PTPRG: variants seen among roughly 807,000 people sequenced by gnomAD.
PTPRG encodes the protein receptor-type tyrosine-protein phosphatase gamma.
In PTPRG, 102 loss-of-function variants were observed where a neutral mutation model predicts 165.3. The ratio of observed to expected loss-of-function variants is 0.62; its 90% CI spans 0.53 to 0.73. PTPRG has a LOEUF of 0.73. Ranked by LOEUF, PTPRG falls within the 30% of genes least tolerant of loss-of-function variation. PTPRG has a pLI of 0.00. For synonymous variants in PTPRG, 675 were observed against 669.5 expected, an observed-to-expected ratio of 1.01 and a Z score of -0.13; for missense variants, 1,866 against 1,861.4, an observed-to-expected ratio of 1.00 and a Z score of -0.05.
At chr3:62,227,264 T>A (rs1006248213) in intron 13 of PTPRG, among the ~76,000 whole-genome samples, 4 of 152,156 alleles carry the variant, frequency 2.6e-5, no homozygotes, top group African/African-American at 7.2e-5. Context: ...GGCCGACACT[T>A]CCAGGTCTAC....
At chr3:62,181,115 G>A (rs912116683) in intron 8 of PTPRG, among the ~76,000 whole-genome samples, 1 of 152,200 alleles carries the variant, frequency 6.6e-6, no homozygotes, top group African/African-American at 2.4e-5. Context: ...TAGAAGAAAA[G>A]TCCGCAGGTA....
intron 1 of PTPRG, among the ~76,000 whole-genome samples, chr3:61,661,074 T>A (rs73110539): frequency 0.41 from 61,780 of 150,930 alleles, 12,979 homozygotes; most frequent in Non-Finnish European, 0.47. Context: ...AATTAAAAAT[T>A]TTTTTTTTTT....
At chr3:62,175,578 A>G (rs1217071428) in intron 8 of PTPRG, among the ~76,000 whole-genome samples, 1 of 152,230 alleles carries the variant, frequency 6.6e-6, no homozygotes, top group East Asian at 1.9e-4. Flanking sequence ...CTTTTCATTC[A>G]TTAAATATTT....
In PTPRG at chr3:61,609,962, A is replaced by G. The variant is rs1002285859; in HGVS notation, c.85+47590A>G. ...AATTAAAGACAGCCCTTCTATTAAT[A>G]ATGCAGATAACTTTTGATTATATAC... On this transcript the variant is annotated intron_variant, in intron 1 of 29. Transcript: ENST00000474889. Among the ~76,000 whole-genome samples, 3 of 151,426 alleles carry G rather than the reference A, an allele frequency of 2.0e-5. 1 individual carries two copies. Among genetic ancestry groups the G allele is most frequent in the South Asian group, 4.2e-4 (2 of 4,750 alleles).
intron 2 of PTPRG, among the ~76,000 whole-genome samples, chr3:61,806,265 T>A (rs1194693287): frequency 1.3e-5 from 2 of 152,210 alleles, no homozygotes; most frequent in Non-Finnish European, 2.9e-5. Context: ...GATCTTAGAA[T>A]GAACCTTGTG....
chr3:62,218,737 G>C, intron 12 of PTPRG, 114 bp from the exon 13 acceptor site: 1 of 1,381,668 alleles, frequency 7.2e-7, no homozygotes, highest in Admixed American at 2.1e-5. Context: ...GCAGCTCAGA[G>C]CAAATGGCCC....
At chr3:62,096,799 A>G (rs569237963) in intron 5 of PTPRG, among the ~76,000 whole-genome samples, 2 of 152,310 alleles carry the variant, frequency 1.3e-5, no homozygotes, top group East Asian at 3.9e-4. Context: ...CTGAAACCTG[A>G]TTATAATTAT....
chr3:61,680,463 G>C (rs1388302642), intron 1 of PTPRG, among the ~76,000 whole-genome samples: 3 of 136,232 alleles, frequency 2.2e-5, no homozygotes, highest in Admixed American at 8.4e-5. Context: ...AAACATCAGC[G>C]TTTTGAGGTT....
intron 2 of PTPRG, among the ~76,000 whole-genome samples, chr3:61,975,714 C>T (rs974616128): frequency 6.6e-6 from 1 of 151,642 alleles, no homozygotes; most frequent in African/African-American, 2.4e-5. Flanking sequence ...ATAAATATAT[C>T]GCTTCTGTAA....
chr3:61,609,045 C>G (rs962851785), intron 1 of PTPRG, among the ~76,000 whole-genome samples: 1 of 152,144 alleles, frequency 6.6e-6, no homozygotes, highest in African/African-American at 2.4e-5. Context: ...ATACGGAAGC[C>G]TTTGGTCTCT....
intron 2 of PTPRG, among the ~76,000 whole-genome samples, chr3:61,902,730 C>G (rs991194556): frequency 6.6e-6 from 1 of 152,196 alleles, no homozygotes; most frequent in African/African-American, 2.4e-5. Flanking sequence ...TCAGCCCTCT[C>G]TCCTGGTAGT....
At chr3:61,897,371 T>G (rs1281468415) in intron 2 of PTPRG, among the ~76,000 whole-genome samples, 1 of 152,178 alleles carries the variant, frequency 6.6e-6, no homozygotes, top group Non-Finnish European at 1.5e-5. Flanking sequence ...ATTAATTTTA[T>G]ATCTTCATCA....
At chr3:61,804,517 G>A (rs2035352290) in intron 2 of PTPRG, among the ~76,000 whole-genome samples, 1 of 152,200 alleles carries the variant, frequency 6.6e-6, no homozygotes, top group South Asian at 2.1e-4. Flanking sequence ...GACTGTATTC[G>A]GCAACCTTTT....
chr3:61,833,425 G>T (rs1210169283), intron 2 of PTPRG, among the ~76,000 whole-genome samples: 1 of 152,116 alleles, frequency 6.6e-6, no homozygotes, highest in South Asian at 2.1e-4. Flanking sequence ...TGCGCTTGGG[G>T]TGGTGTTTGT....
intron 1 of PTPRG, among the ~76,000 whole-genome samples, chr3:61,592,018 G>A (rs1216823230): frequency 3.3e-5 from 5 of 151,512 alleles, no homozygotes; most frequent in African/African-American, 1.2e-4. Flanking sequence ...TTGTTGCCCA[G>A]GCTGGAGTCA....
intron 2 of PTPRG, among the ~76,000 whole-genome samples, chr3:61,885,189 A>G (rs1283629883): frequency 8.7e-6 from 1 of 114,550 alleles, no homozygotes; most frequent in Non-Finnish European, 1.7e-5. Context: ...CATAGATCAT[A>G]TAACGGTAAA....
intron 26 of PTPRG, 38 bp downstream of exon 26, chr3:62,277,717 T>G: frequency 6.2e-7 from 1 of 1,607,602 alleles, no homozygotes; most frequent in South Asian, 1.1e-5. Context: ...AATGAGCCCA[T>G]GAGGCTACAA....
intron 2 of PTPRG, among the ~76,000 whole-genome samples, chr3:61,901,548 C>T (rs187176380): frequency 5.5e-4 from 84 of 152,328 alleles, no homozygotes; most frequent in African/African-American, 1.9e-3. Context: ...TGAATTTGCA[C>T]GCTATGTGCA....
intron 1 of PTPRG, among the ~76,000 whole-genome samples, chr3:61,615,383 G>A (rs934134547): frequency 9.9e-5 from 15 of 152,174 alleles, no homozygotes; most frequent in African/African-American, 3.4e-4. Context: ...CTCAGTTTTG[G>A]TTTGTCTGAG....
Sources: allele counts gnomAD v4.1 joint callset (sites outside exome capture counted in the v4.1 genomes callset), GRCh38; gene constraint gnomAD v4.1.1; transcripts MANE v1.5; gene names NCBI Gene and HGNC (gene_info 2026-07-23, HGNC 2026-07-21).